Variants in DMD observed in about 807,000 individuals in gnomAD.
The protein encoded by DMD is dystrophin.
A neutral mutation model predicts 330.1 loss-of-function variants in DMD; 63 were observed. The observed-to-expected ratio is 0.19, with a 90% CI of 0.16 to 0.24. DMD has a LOEUF of 0.24. DMD is among the 10% of genes least tolerant of loss of function. The probability of loss-of-function intolerance (pLI) is 1.00; values close to 1 mark genes in which losing one functional copy is unlikely to be tolerated. For synonymous variants in DMD, 1,223 were observed against 959.8 expected (o/e 1.27, Z -5.07); for missense variants, 3,344 against 2,684.1 (o/e 1.25, Z -5.43).
chrX:33,167,462 A>G (rs2148685952), intron 1 of DMD, among the ~76,000 whole-genome samples: 1 of 111,474 alleles, frequency 9.0e-6, no homozygotes, highest in South Asian at 3.7e-4. Flanking sequence ...TTAGACTTAT[A>G]TGAAAGTTGT....
At chrX:31,291,565 T>C (rs942012680) in intron 62 of DMD, among the ~76,000 whole-genome samples, 1 of 112,070 alleles carries the variant, frequency 8.9e-6, no homozygotes, top group African/African-American at 3.2e-5. Context: ...CTTAGTGTGC[T>C]TTAAGTCAAC....
intron 13 of DMD, among the ~76,000 whole-genome samples, chrX:32,581,850 G>A (rs763553459): frequency 3.6e-5 from 4 of 111,563 alleles, no homozygotes; most frequent in East Asian, 2.8e-4. Flanking sequence ...AAGATTATAC[G>A]TCTTATCCAG....
At chrX:32,360,936 T>C (rs1321611994) in intron 37 of DMD, among the ~76,000 whole-genome samples, 1 of 111,045 alleles carries the variant, frequency 9.0e-6, no homozygotes, top group African/African-American at 3.3e-5. Flanking sequence ...TACTTACAAA[T>C]TCATGCAGAA....
intron 1 of DMD, among the ~76,000 whole-genome samples, chrX:33,293,948 A>G (rs1309855150): frequency 9.0e-6 from 1 of 111,586 alleles, no homozygotes; most frequent in East Asian, 2.8e-4. Flanking sequence ...TAGGTGTGGT[A>G]GCTCAGGAGA....
intron 1 of DMD, among the ~76,000 whole-genome samples, chrX:33,047,077 T>A (rs1404594002): frequency 2.7e-5 from 3 of 111,725 alleles, no homozygotes; most frequent in Non-Finnish European, 5.6e-5. Context: ...TTGACCCTAT[T>A]GTATGGATAG....
At position 32,753,209 on chromosome X, in the gene DMD, T is replaced by C. The variant is rs774910572; in HGVS notation, c.650-53916A>G. ...CAGATACAGATTCCCTGATTTACTA[T>C]TTTTATAGCACTCTGAATTTTAAAT... On this transcript the variant is annotated intron_variant, in intron 7 of 78. Coordinates refer to ENST00000357033, the MANE Select transcript of DMD (RefSeq NM_004006.3). Among the ~76,000 whole-genome samples, 7 of 111,839 alleles carry C rather than the reference T, an allele frequency of 6.3e-5. No homozygotes were observed. In the South Asian group the frequency reaches 2.3e-3, roughly 36 times the overall value.
intron 44 of DMD, among the ~76,000 whole-genome samples, chrX:32,087,687 C>T (rs1172066290): frequency 8.9e-6 from 1 of 112,063 alleles, no homozygotes; most frequent in Admixed American, 9.5e-5. Context: ...GAGACATATT[C>T]CAACGAGGTG....
intron 43 of DMD, among the ~76,000 whole-genome samples, chrX:32,234,802 T>A (rs1234611416): frequency 8.9e-6 from 1 of 111,900 alleles, no homozygotes; most frequent in Non-Finnish European, 1.9e-5. Flanking sequence ...ATGTTATTAT[T>A]TACTGTATTT....
chrX:32,416,989 G>T (rs2098168513), intron 29 of DMD, among the ~76,000 whole-genome samples: 1 of 111,864 alleles, frequency 8.9e-6, no homozygotes, highest in African/African-American at 3.3e-5. Context: ...CAAGTACTAA[G>T]AATACTGGTG....
rs141221903 is a variant in DMD, at chrX:32,059,496, C to T, written c.6439-90982G>A. On this transcript the variant is annotated intron_variant, in intron 44 of 78. Coordinates refer to ENST00000357033, the MANE Select transcript of DMD (RefSeq NM_004006.3). ...GTAGCATAAGTGACCTCGTAATGAACTGAAATAGATATTAAGTTGATATTA... is the reference window on the plus strand; with the variant it reads ...GTAGCATAAGTGACCTCGTAATGAATTGAAATAGATATTAAGTTGATATTA... Among the ~76,000 whole-genome samples the T allele has an allele frequency of 5.3e-4, 59 of 111,703 alleles. No individual in the cohort carries two copies. The East Asian group carries it at 0.016, about 30-fold the overall frequency.
At chrX:32,912,065 A>G (rs1305398138) in intron 2 of DMD, among the ~76,000 whole-genome samples, 1 of 94,866 alleles carries the variant, frequency 1.1e-5, no homozygotes, top group Non-Finnish European at 2.1e-5. Context: ...GAGAAGGAGG[A>G]GGATGGGGAG....
At chrX:31,661,801 C>G (rs1293503050) in intron 53 of DMD, among the ~76,000 whole-genome samples, 1 of 111,540 alleles carries the variant, frequency 9.0e-6, no homozygotes, top group Non-Finnish European at 1.9e-5. Context: ...GATTGTTTCC[C>G]CAACCAGGAA....
chrX:32,896,000 G>A (rs1379900275), intron 2 of DMD, among the ~76,000 whole-genome samples: 2 of 111,191 alleles, frequency 1.8e-5, no homozygotes, highest in African/African-American at 6.6e-5. Flanking sequence ...TCTTGCCGAG[G>A]TTTAAATGAA....
chrX:32,727,941 T>C (rs1306223930), intron 7 of DMD, among the ~76,000 whole-genome samples: 2 of 111,685 alleles, frequency 1.8e-5, no homozygotes, highest in African/African-American at 6.5e-5. Flanking sequence ...ATAAAGGGCA[T>C]TACTGCTTGT....
chrX:32,899,461 A>G (rs1436103448), intron 2 of DMD, among the ~76,000 whole-genome samples: 6 of 109,843 alleles, frequency 5.5e-5, no homozygotes, highest in Non-Finnish European at 9.5e-5. Flanking sequence ...GGATCACGAG[A>G]TCAAGAGATC....
At chrX:32,737,332 A>G (rs1033856345) in intron 7 of DMD, among the ~76,000 whole-genome samples, 1 of 111,609 alleles carries the variant, frequency 9.0e-6, no homozygotes, top group African/African-American at 3.3e-5. Context: ...GTGTGAGGAA[A>G]GAAAGGAAAG....
At chrX:32,342,783 G>T in intron 40 of DMD, 2 of 348,911 alleles carry the variant, frequency 5.7e-6, no homozygotes, top group Non-Finnish European at 1.1e-5. Context: ...GTGTGAAGAT[G>T]CTCTGATGAA....
chrX:32,230,525 G>A lies in DMD; in HGVS notation c.6291-13462C>T, dbSNP rs201403413. Among the ~76,000 whole-genome samples the A allele has an allele frequency of 2.3e-4, 26 of 112,254 alleles. No individual in the cohort carries two copies. The East Asian group carries it at 7.0e-3, about 30-fold the overall frequency. ...CTCCCAAAGTGCTGGGATTACAGGC[G>A]TGAGCCACCGCGCCCGGCCAAAAAC... is the stretch of plus-strand genomic sequence containing the variant. On this transcript the variant is annotated intron_variant, in intron 43 of 78. Transcript: ENST00000357033.
chrX:33,087,664 C>G (rs2095028033), intron 1 of DMD, among the ~76,000 whole-genome samples: 1 of 111,706 alleles, frequency 9.0e-6, no homozygotes, highest in African/African-American at 3.3e-5. Context: ...AGGCATATTT[C>G]ACAGCCTCCC....
Sources: gnomAD v4.1 joint callset for allele counts (sites outside exome capture counted in the v4.1 genomes callset) on GRCh38, gnomAD v4.1.1 for gene constraint, MANE v1.5 for transcripts, NCBI Gene and HGNC (gene_info 2026-07-23, HGNC 2026-07-21) for gene names.